Variants in SCD5 observed in about 807,000 individuals in gnomAD.
SCD5 encodes acyl-CoA-desaturase 4.
SCD5 carries 20 observed loss-of-function variants against 30.4 expected under a neutral mutation model. That is an observed-to-expected ratio of 0.66 (90% confidence interval 0.46 to 0.96). SCD5 has a LOEUF of 0.96. Among genes scored for constraint, SCD5 ranks in the 40% least tolerant of loss-of-function variants. The probability of loss-of-function intolerance (pLI) is 0.00; values close to 1 mark genes in which losing one functional copy is unlikely to be tolerated. For synonymous variants in SCD5, 173 were observed against 176.4 expected (o/e 0.98, Z 0.16); for missense variants, 381 against 443.3 (o/e 0.86, Z 1.26).
chr4:82,777,318 T>A (rs1721763733), intron 1 of SCD5, among the ~76,000 whole-genome samples: 1 of 152,212 alleles, frequency 6.6e-6, no homozygotes, highest in Non-Finnish European at 1.5e-5. Context: ...TGGAATGTGT[T>A]TTCTCGCCAA....
intron 3 of SCD5, among the ~76,000 whole-genome samples, chr4:82,677,553 C>A (rs189697388): frequency 6.6e-6 from 1 of 152,324 alleles, no homozygotes; most frequent in South Asian, 2.1e-4. Context: ...GCCAGCTTCA[C>A]GAACATGAAA....
chr4:82,735,169 T>C (rs769228451), intron 1 of SCD5, among the ~76,000 whole-genome samples: 2 of 152,208 alleles, frequency 1.3e-5, no homozygotes, highest in Admixed American at 6.5e-5. Context: ...TTTTTGAAAA[T>C]TGATTCCCAG....
chr4:82,726,833 A>G (rs1475219831), intron 1 of SCD5, among the ~76,000 whole-genome samples: 1 of 152,140 alleles, frequency 6.6e-6, no homozygotes, highest in East Asian at 1.9e-4. Context: ...TCTCATACAC[A>G]GCCCTCTTCG....
chr4:82,632,987 T>C (rs1727353179), intron 4 of SCD5, among the ~76,000 whole-genome samples: 2 of 152,228 alleles, frequency 1.3e-5, no homozygotes, highest in African/African-American at 4.8e-5. Flanking sequence ...TATGTTTTTG[T>C]GGTAAGAACA....
chr4:82,792,923 C>A lies in SCD5; in HGVS notation c.232+5383G>T, dbSNP rs1722129645. ...ATGGTCACAGTGCCGTCTGCAGTGA[C>A]CTTGATCAGTTTGTTTGTTTTAAAA... On this transcript the variant is annotated intron_variant, in intron 1 of 4. Transcript: ENST00000319540. Among the ~76,000 whole-genome samples the A allele has an allele frequency of 2.0e-5, 3 of 152,140 alleles. No individual in the cohort carries two copies. In the South Asian group the frequency reaches 6.2e-4, roughly 32 times the overall value.
intron 1 of SCD5, among the ~76,000 whole-genome samples, chr4:82,741,203 G>A (rs912229802): frequency 6.6e-5 from 10 of 151,698 alleles, no homozygotes; most frequent in African/African-American, 9.7e-5. Context: ...CTCCCAAAGT[G>A]CTGGGATTAC....
intron 1 of SCD5, among the ~76,000 whole-genome samples, chr4:82,774,674 C>A (rs575585121): frequency 1.3e-5 from 2 of 152,164 alleles, no homozygotes; most frequent in African/African-American, 2.4e-5. Flanking sequence ...CCTCTTCCCC[C>A]ACCCTTTGCT....
At chr4:82,637,298 T>C (rs1727453902) in intron 3 of SCD5, among the ~76,000 whole-genome samples, 1 of 152,350 alleles carries the variant, frequency 6.6e-6, no homozygotes, top group East Asian at 1.9e-4. Context: ...GGTAAAAAGG[T>C]AGACAATCTT....
At chr4:82,724,180 A>G (rs188527478) in intron 1 of SCD5, among the ~76,000 whole-genome samples, 60 of 152,376 alleles carry the variant, frequency 3.9e-4, no homozygotes, top group Admixed American at 1.1e-3. Context: ...TGTACATAAT[A>G]AAAGTCTGGG....
At chr4:82,712,277 TATATATATATATATATA>T (rs1560540797) in intron 1 of SCD5, among the ~76,000 whole-genome samples, 12 of 48,934 alleles carry the variant, frequency 2.5e-4, no homozygotes, top group African/African-American at 1.4e-3. Flanking sequence ...TATATATATA[TATATATATATATATATA>T]TATTTTATTT....
intron 2 of SCD5, among the ~76,000 whole-genome samples, chr4:82,684,132 T>G (rs992903895): frequency 6.6e-6 from 1 of 152,182 alleles, no homozygotes; most frequent in Admixed American, 6.5e-5. Context: ...ACAGAGATAT[T>G]TATTTTCATT....
At chr4:82,750,772 T>C (rs933032441) in intron 1 of SCD5, among the ~76,000 whole-genome samples, 9 of 152,152 alleles carry the variant, frequency 5.9e-5, no homozygotes, top group Non-Finnish European at 2.9e-5. Context: ...CAGAAGTCCA[T>C]TTTACAGGTA....
At chr4:82,650,050 T>G (rs1727716041) in intron 3 of SCD5, among the ~76,000 whole-genome samples, 1 of 152,210 alleles carries the variant, frequency 6.6e-6, no homozygotes, top group African/African-American at 2.4e-5. Flanking sequence ...TTCAGCATTA[T>G]GCACACTTCA....
At chr4:82,639,072 A>C (rs555628875) in intron 3 of SCD5, among the ~76,000 whole-genome samples, 1 of 152,252 alleles carries the variant, frequency 6.6e-6, no homozygotes, top group Non-Finnish European at 1.5e-5. Context: ...CTGAAAAAAC[A>C]TACGTCAATG....
chr4:82,712,278 A>T (rs1320144826), intron 1 of SCD5, among the ~76,000 whole-genome samples: 1 of 45,076 alleles, frequency 2.2e-5, no homozygotes, highest in African/African-American at 1.4e-4. Flanking sequence ...ATATATATAT[A>T]TATATATATA....
At chr4:82,728,753 C>A (rs747355320) in intron 1 of SCD5, among the ~76,000 whole-genome samples, 1 of 152,150 alleles carries the variant, frequency 6.6e-6, no homozygotes, top group East Asian at 1.9e-4. Flanking sequence ...ATCTCCAAGC[C>A]TTCAGGGAGA....
At chr4:82,642,607 G>C (rs958885181) in intron 3 of SCD5, among the ~76,000 whole-genome samples, 1 of 152,164 alleles carries the variant, frequency 6.6e-6, no homozygotes, top group Non-Finnish European at 1.5e-5. Flanking sequence ...CCCAGGCGAG[G>C]TGCACTGCAC....
chr4:82,640,936 G>GTTA (rs139371236), intron 3 of SCD5, among the ~76,000 whole-genome samples: 6,475 of 152,250 alleles, frequency 0.043, 183 homozygotes, highest in Middle Eastern at 0.092. Context: ...TGGGTTTTCT[G>GTTA]TTGTTGAAAA....
intron 1 of SCD5, among the ~76,000 whole-genome samples, chr4:82,759,648 T>TAAAAAAAAAAA (rs70938309): frequency 8.0e-6 from 1 of 125,580 alleles, no homozygotes; most frequent in South Asian, 2.7e-4. Flanking sequence ...AACCCCGTCT[T>TAAAAAAAAAAA]AAAAAAAAAA....
Sources: allele counts gnomAD v4.1 joint callset (sites outside exome capture counted in the v4.1 genomes callset), GRCh38; gene constraint gnomAD v4.1.1; transcripts MANE v1.5; gene names NCBI Gene and HGNC (gene_info 2026-07-23, HGNC 2026-07-21).